Variants in DNAH12 observed in about 807,000 individuals in gnomAD.
DNAH12 encodes dynein axonemal heavy chain 12.
Under a neutral mutation model 371.5 loss-of-function variants are expected in DNAH12, and 285 were observed. That is an observed-to-expected ratio of 0.77 (90% CI 0.70 to 0.85). The LOEUF is 0.85. Ranked by LOEUF, DNAH12 falls within the 40% of genes least tolerant of loss-of-function variation. The probability of loss-of-function intolerance (pLI) is 0.00; values close to 1 mark genes in which losing one functional copy is unlikely to be tolerated. For missense variants in DNAH12, 3,611 were observed against 3,689.4 expected (o/e 0.98, Z 0.55); for synonymous variants, 1,200 against 1,213.0 (o/e 0.99, Z 0.22).
chr3:57,347,539 A>T (rs1214238155), intron 60 of DNAH12, among the ~76,000 whole-genome samples: 1 of 152,024 alleles, frequency 6.6e-6, no homozygotes, highest in African/African-American at 2.4e-5. Flanking sequence ...AACATGGTAA[A>T]ACCCTGTCTC....
chr3:57,497,980 CA>C (rs2153388438), intron 11 of DNAH12: 1 of 152,580 alleles, frequency 6.6e-6, no homozygotes, highest in East Asian at 1.9e-4. Context: ...TATAGCTCAA[CA>C]ATAAAACATA....
At chr3:57,405,225 T>C (rs555782070) in intron 41 of DNAH12, 78 bp from the exon 42 acceptor site, 5 of 1,301,512 alleles carry the variant, frequency 3.8e-6, no homozygotes, top group African/African-American at 1.5e-5. Flanking sequence ...TTTTGTTTCA[T>C]CCATGTTATA....
At chr3:57,390,470 C>T in intron 45 of DNAH12, among the ~76,000 whole-genome samples, 1 of 81,070 alleles carries the variant, frequency 1.2e-5, no homozygotes, top group Non-Finnish European at 2.9e-5. Context: ...AACCATGATT[C>T]AATCCCTCTG....
intron 13 of DNAH12, among the ~76,000 whole-genome samples, chr3:57,477,431 T>C (rs2153382284): frequency 6.6e-6 from 1 of 152,168 alleles, no homozygotes; most frequent in Non-Finnish European, 1.5e-5. Flanking sequence ...GCCGGGAAGC[T>C]CGAACTGGGT....
intron 60 of DNAH12, among the ~76,000 whole-genome samples, chr3:57,340,131 G>A (rs2062358507): frequency 6.6e-6 from 1 of 151,912 alleles, no homozygotes; most frequent in Non-Finnish European, 1.5e-5. Context: ...CAAAATGTAT[G>A]GGACACAACA....
chr3:57,299,710 C>A (rs866139404), intron 70 of DNAH12, among the ~76,000 whole-genome samples: 15 of 152,244 alleles, frequency 9.9e-5, no homozygotes, highest in Middle Eastern at 6.8e-3. Context: ...ACATTTTTCT[C>A]TTTTTCTCTC....
At chr3:57,479,927 A>T (rs2066676154) in intron 13 of DNAH12, among the ~76,000 whole-genome samples, 1 of 152,236 alleles carries the variant, frequency 6.6e-6, no homozygotes, top group Non-Finnish European at 1.5e-5. Context: ...AGCAGTGTGT[A>T]GAGGGAAATT....
At chr3:57,356,676 TA>T (rs1200526049) in intron 59 of DNAH12, among the ~76,000 whole-genome samples, 12 of 152,020 alleles carry the variant, frequency 7.9e-5, no homozygotes, top group African/African-American at 2.9e-4. Flanking sequence ...AACAACAACT[TA>T]AAATAGAAAA....
In DNAH12 at chr3:57,413,975, T is replaced by A. The variant is rs1262604799; in HGVS notation, c.5854-63A>T. The stretch of plus-strand genomic sequence containing the variant: ...TTGAATTAGGGATTTATCATACTTA[T>A]ATTAAATCAGTATCAACAAGTAAAA... On this transcript the variant is annotated intron_variant, in intron 38 of 73. Transcript: ENST00000495027. The A allele has an allele frequency of 4.0e-6, 6 of 1,482,556 alleles. No homozygotes were observed. In the East Asian group the frequency reaches 1.0e-4, roughly 25 times the overall value. The allele number at this position is 1,482,556 out of a possible 1,614,324, so 91.8% of individuals were successfully genotyped here. A position where few individuals can be genotyped will look rare whatever the true frequency, so the allele number is the denominator to read the frequency against.
At chr3:57,448,509 T>TA (rs1179238501) in intron 25 of DNAH12, among the ~76,000 whole-genome samples, 3 of 149,738 alleles carry the variant, frequency 2.0e-5, no homozygotes, top group South Asian at 2.2e-4. Context: ...GCTGTAGGTC[T>TA]TCGCAGTGAG....
chr3:57,502,270 T>C (rs2067577318), intron 10 of DNAH12, 53 bp downstream of exon 10: 2 of 1,599,906 alleles, frequency 1.3e-6, no homozygotes, highest in South Asian at 1.1e-5. Context: ...GACCAAATTC[T>C]AGCACAAATA....
At position 57,323,540 on chromosome 3, in the gene DNAH12, T is replaced by C; in HGVS notation, c.10058A>G (p.Lys3353Arg). Residue 3353 changes from lysine (K) to arginine (R), a missense_variant, in exon 63 of 74, where the codon AAG becomes AGG. Lys to Arg is a conservative substitution (Grantham distance 26). Coordinates refer to ENST00000495027, the MANE Select transcript of DNAH12 (RefSeq NM_001366028.2). Reference protein sequence around the residue: ...FVEPPPFDLTKSYLDSNCTIP... With the variant: ...FVEPPPFDLTRSYLDSNCTIP... ...GGTGCAATTTGAATCCAAGTAACTC[T>C]TTGTCAAATCAAATGGTGGAGGCTC... The C allele has an allele frequency of 5.8e-6, 9 of 1,551,094 alleles. No individual in the cohort carries two copies. The highest frequency in any genetic ancestry group is 7.8e-6 in the Non-Finnish European group (9 of 1,146,798).
At chr3:57,495,469 G>C (rs138308512) in intron 11 of DNAH12, among the ~76,000 whole-genome samples, 2,135 of 151,160 alleles carry the variant, frequency 0.014, 137 homozygotes, top group African/African-American at 0.05. Flanking sequence ...GCTGAGGCAG[G>C]AGAATCACTT....
chr3:57,528,539 A>G (rs1380517897), intron 2 of DNAH12, among the ~76,000 whole-genome samples: 1 of 149,044 alleles, frequency 6.7e-6, no homozygotes, highest in African/African-American at 2.5e-5. Context: ...CAGCCTGACC[A>G]ACATGGAGAA....
At chr3:57,331,183 T>C (rs1025493502) in intron 62 of DNAH12, among the ~76,000 whole-genome samples, 6 of 152,036 alleles carry the variant, frequency 3.9e-5, no homozygotes, top group African/African-American at 1.4e-4. Context: ...TCTAATGGGG[T>C]AAGGGCTATG....
chr3:57,445,549 T>C, intron 27 of DNAH12, 130 bp from the exon 28 acceptor site: 1 of 690,684 alleles, frequency 1.4e-6, no homozygotes, highest in Non-Finnish European at 1.9e-6. Flanking sequence ...TAAACTCTAA[T>C]TTTTTTTAGT....
intron 11 of DNAH12, chr3:57,498,382 T>C: frequency 1.5e-6 from 1 of 665,296 alleles, no homozygotes; most frequent in Non-Finnish European, 2.7e-6. Flanking sequence ...AGTGGCATGA[T>C]CATAACTCAC....
intron 8 of DNAH12, among the ~76,000 whole-genome samples, chr3:57,504,540 A>G (rs1174747180): frequency 6.6e-6 from 1 of 152,152 alleles, no homozygotes; most frequent in Non-Finnish European, 1.5e-5. Context: ...CCTCCTGAGT[A>G]GCTGGGACTA....
intron 2 of DNAH12, among the ~76,000 whole-genome samples, chr3:57,527,439 G>A (rs2068688496): frequency 6.6e-6 from 1 of 152,214 alleles, no homozygotes; most frequent in Non-Finnish European, 1.5e-5. Flanking sequence ...GGCTGCACAG[G>A]AAGCATAGCA....
Sources: allele counts gnomAD v4.1 joint callset (sites outside exome capture counted in the v4.1 genomes callset), GRCh38; gene constraint gnomAD v4.1.1; transcripts MANE v1.5; gene names NCBI Gene and HGNC (gene_info 2026-07-23, HGNC 2026-07-21).